The following DLGAP4 variants were observed in gnomAD, a reference collection of about 807,000 sequenced individuals.
The protein encoded by DLGAP4 is disks large-associated protein 4.
Under a neutral mutation model 86.9 loss-of-function variants are expected in DLGAP4, and 18 were observed. The ratio of observed to expected loss-of-function variants is 0.21; its 90% CI spans 0.14 to 0.31. The LOEUF is 0.31. DLGAP4 is among the 10% of genes least tolerant of loss of function. The probability of loss-of-function intolerance (pLI) is 1.00; values close to 1 mark genes in which losing one functional copy is unlikely to be tolerated. For synonymous variants in DLGAP4, 548 were observed against 574.3 expected (o/e 0.95, Z 0.65); for missense variants, 1,085 against 1,362.6 (o/e 0.80, Z 3.21).
intron 7 of DLGAP4, among the ~76,000 whole-genome samples, chr20:36,471,375 T>C (rs879635828): frequency 6.6e-6 from 1 of 152,068 alleles, no homozygotes. Context: ...GTGTCTGTAG[T>C]CCCAGCTACT....
At chr20:36,323,455 G>A (rs1555890789) in intron 1 of DLGAP4, among the ~76,000 whole-genome samples, 1 of 152,096 alleles carries the variant, frequency 6.6e-6, no homozygotes, top group East Asian at 1.9e-4. Flanking sequence ...TTATATTGCT[G>A]CCTAGTATTC....
chr20:36,438,024 A>G (rs2033336446), intron 4 of DLGAP4, among the ~76,000 whole-genome samples: 1 of 152,108 alleles, frequency 6.6e-6, no homozygotes, highest in Non-Finnish European at 1.5e-5. Flanking sequence ...CCACCTCAGC[A>G]TCCCGAGTAG....
intron 1 of DLGAP4, among the ~76,000 whole-genome samples, chr20:36,359,659 G>A (rs1375612825): frequency 6.6e-6 from 1 of 152,166 alleles, no homozygotes; most frequent in Non-Finnish European, 1.5e-5. Context: ...CAAGGAGAAA[G>A]CTAGGTAAAG....
chr20:36,459,867 A>G (rs1600561784), intron 7 of DLGAP4, among the ~76,000 whole-genome samples: 1 of 152,094 alleles, frequency 6.6e-6, no homozygotes, highest in South Asian at 2.1e-4. Flanking sequence ...TTGGCCTCCC[A>G]AAGTGCTGGG....
At chr20:36,392,754 G>C (rs2031824404) in intron 2 of DLGAP4, among the ~76,000 whole-genome samples, 1 of 152,212 alleles carries the variant, frequency 6.6e-6, no homozygotes, top group Admixed American at 6.5e-5. Context: ...CAGGCCCCAG[G>C]CTATTGTAAC....
chr20:36,359,023 G>C (rs1199586956), intron 1 of DLGAP4, among the ~76,000 whole-genome samples: 2 of 152,178 alleles, frequency 1.3e-5, no homozygotes, highest in Non-Finnish European at 2.9e-5. Flanking sequence ...AATGCTAAAA[G>C]CTACCTGGCC....
At chr20:36,335,690 T>C (rs1243710684) in intron 1 of DLGAP4, among the ~76,000 whole-genome samples, 5 of 152,210 alleles carry the variant, frequency 3.3e-5, no homozygotes, top group African/African-American at 9.7e-5. Flanking sequence ...TGCAGGAGGT[T>C]TGACCCGTCT....
At chr20:36,415,800 G>A (rs1326641747) in intron 2 of DLGAP4, among the ~76,000 whole-genome samples, 1 of 152,176 alleles carries the variant, frequency 6.6e-6, no homozygotes, top group Non-Finnish European at 1.5e-5. Context: ...GGCCAGCAGA[G>A]GGAGTGGCAC....
intron 1 of DLGAP4, among the ~76,000 whole-genome samples, chr20:36,360,817 G>C (rs1600433458): frequency 6.6e-6 from 1 of 152,070 alleles, no homozygotes; most frequent in East Asian, 1.9e-4. Flanking sequence ...TCTAGCTTGG[G>C]GTCTTGAGTG....
chr20:36,359,622 T>C (rs1258576503), intron 1 of DLGAP4, among the ~76,000 whole-genome samples: 3 of 152,136 alleles, frequency 2.0e-5, no homozygotes, highest in African/African-American at 4.8e-5. Context: ...GGTGTCCTCA[T>C]TTGTGGCCTA....
intron 1 of DLGAP4, among the ~76,000 whole-genome samples, chr20:36,342,706 T>C (rs1319933913): frequency 1.3e-5 from 2 of 152,208 alleles, no homozygotes; most frequent in Non-Finnish European, 2.9e-5. Context: ...CTCTGCCGCA[T>C]AGTCCTGGTG....
At chr20:36,314,054 T>G (rs1337809303) in intron 1 of DLGAP4, among the ~76,000 whole-genome samples, 1 of 152,052 alleles carries the variant, frequency 6.6e-6, no homozygotes, top group East Asian at 1.9e-4. Context: ...ATCTGACACT[T>G]CCTCAGGGAC....
chr20:36,384,019 C>A (rs35157441), intron 2 of DLGAP4, among the ~76,000 whole-genome samples: 3,169 of 151,504 alleles, frequency 0.021, 50 homozygotes, highest in Non-Finnish European at 0.03. Context: ...AAGAAATAGA[C>A]CTGGAAGTAG....
At chr20:36,433,612 G>A (rs777016507) in intron 3 of DLGAP4, among the ~76,000 whole-genome samples, 3 of 152,102 alleles carry the variant, frequency 2.0e-5, no homozygotes, top group Non-Finnish European at 4.4e-5. Context: ...ATGCAAGCGC[G>A]GGCCTGGCCA....
intron 7 of DLGAP4, among the ~76,000 whole-genome samples, chr20:36,467,033 T>C (rs865809716): frequency 2.3e-4 from 28 of 120,962 alleles, no homozygotes; most frequent in African/African-American, 1.2e-3. Context: ...TCTCTCTCTC[T>C]CTCTCTCTCT....
chr20:36,326,358 T>C (rs1205517334), intron 1 of DLGAP4, among the ~76,000 whole-genome samples: 1 of 152,232 alleles, frequency 6.6e-6, no homozygotes, highest in Non-Finnish European at 1.5e-5. Flanking sequence ...ACTGTATCTC[T>C]TGTTAATTAT....
intron 2 of DLGAP4, among the ~76,000 whole-genome samples, chr20:36,426,625 G>A (rs1457260595): frequency 1.3e-5 from 2 of 152,124 alleles, no homozygotes; most frequent in Non-Finnish European, 2.9e-5. Flanking sequence ...GTGATGGAAT[G>A]GTTTTGGAAA....
At position 36,432,117 on chromosome 20, in the gene DLGAP4, G is replaced by A. The variant is rs1362464942; in HGVS notation, c.400G>A (p.Glu134Lys). 6.2e-7 allele frequency: 1 copy of A among 1,614,170 alleles called. No individual in the cohort carries two copies. The highest frequency in any genetic ancestry group is 8.5e-7 in the Non-Finnish European group (1 of 1,180,040). Residue 134 changes from glutamate to lysine, a missense_variant, in exon 3 of 13, where the codon GAG becomes AAG. Around this residue, in one of 2 missense-constraint regions of DLGAP4, gnomAD observed 1,082 missense variants for 1,344.1 expected, o/e 0.81. Transcript: ENST00000339266. The surrounding 1 kb of genome is among the most constrained non-coding windows in gnomAD (Gnocchi z 6.5). ...FPRGEAKARG[E>K]SPGRIRHLVH... ...CCGTGGCGAGGCCAAGGCCCGTGGT[G>A]AGAGCCCTGGCCGCATCCGCCACCT...
Position 36,500,451 on chromosome 20 carries a change from C to G in DLGAP4, c.2352C>G (p.Leu784=), listed in dbSNP as rs756994157. 6 of 1,583,178 alleles carry G rather than the reference C, an allele frequency of 3.8e-6. No individual in the cohort carries two copies. Among genetic ancestry groups the G allele is most frequent in the Non-Finnish European group, 5.2e-6 (6 of 1,163,080 alleles). ...CGCTGCCCCCACCCGACCCCTGGCT[C>G]GAGACCTCCTCCAGCTCCCCAGCAG... ...ASSLPPPDPW[L]ETSSSSPAEP... is the part of the protein sequence containing the mutation. The change falls in exon 10 of 13, where the codon CTC becomes CTG. Residue 784 remains leucine, a synonymous_variant. Coordinates refer to ENST00000339266, the MANE Select transcript of DLGAP4 (RefSeq NM_001365621.2). This position sits in a 1 kb window ranked among gnomAD's most constrained non-coding sequence, Gnocchi z 4.6.
Sources: allele counts gnomAD v4.1 joint callset (sites outside exome capture counted in the v4.1 genomes callset), GRCh38; gene constraint gnomAD v4.1.1; regional missense constraint gnomAD v4.1.1; non-coding constraint Gnocchi (gnomAD v3.1); transcripts MANE v1.5; gene names NCBI Gene and HGNC (gene_info 2026-07-23, HGNC 2026-07-21).